The following MACROD2 variants were observed in gnomAD, a reference collection of about 807,000 sequenced individuals.
The protein encoded by MACROD2 is mono-ADP ribosylhydrolase 2.
In MACROD2, 36 loss-of-function variants were observed where a neutral mutation model predicts 70.4. That is an observed-to-expected ratio of 0.51 (90% CI 0.39 to 0.68). The LOEUF (loss-of-function observed/expected upper bound fraction) is 0.68, where lower values mean the gene tolerates loss of function less well. MACROD2 is among the 30% of genes least tolerant of loss of function. The pLI is 0.00. For missense variants in MACROD2, 496 were observed against 538.4 expected (o/e 0.92, Z 0.78); for synonymous variants, 172 against 178.8 (o/e 0.96, Z 0.30).
intron 5 of MACROD2, among the ~76,000 whole-genome samples, chr20:14,810,971 C>T (rs1274339970): frequency 2.0e-5 from 3 of 152,076 alleles, no homozygotes; most frequent in Non-Finnish European, 4.4e-5. Flanking sequence ...ATTTCATGCT[C>T]ATGGATAGGA....
chr20:15,616,272 T>G (rs1345652502), intron 8 of MACROD2, among the ~76,000 whole-genome samples: 5 of 151,960 alleles, frequency 3.3e-5, no homozygotes, highest in African/African-American at 9.7e-5. Context: ...CCCAGCTAAT[T>G]TTTGTATTTT....
At chr20:15,849,151 A>T (rs1413379852) in intron 8 of MACROD2, among the ~76,000 whole-genome samples, 5 of 152,128 alleles carry the variant, frequency 3.3e-5, no homozygotes, top group Non-Finnish European at 5.9e-5. Flanking sequence ...ACACACACTC[A>T]CACACACAGC....
At chr20:15,163,954 T>G (rs1255463598) in intron 5 of MACROD2, among the ~76,000 whole-genome samples, 1 of 151,986 alleles carries the variant, frequency 6.6e-6, no homozygotes, top group African/African-American at 2.4e-5. Flanking sequence ...CAGACAAAAA[T>G]CCTTCTGAGG....
chr20:15,307,297 C>T (rs540757239), intron 6 of MACROD2, among the ~76,000 whole-genome samples: 55 of 152,224 alleles, frequency 3.6e-4, no homozygotes, highest in African/African-American at 1.2e-3. Context: ...GCTATGACCA[C>T]GGTTTCCTCC....
At chr20:14,657,616 A>G (rs1334925383) in intron 4 of MACROD2, among the ~76,000 whole-genome samples, 1 of 152,230 alleles carries the variant, frequency 6.6e-6, no homozygotes, top group African/African-American at 2.4e-5. Flanking sequence ...TCACAAGGGT[A>G]ATAGTATACG....
chr20:15,743,206 T>C (rs11697060), intron 8 of MACROD2, among the ~76,000 whole-genome samples: 20,605 of 152,072 alleles, frequency 0.14, 1,588 homozygotes, highest in Non-Finnish European at 0.17. Flanking sequence ...ATATGAACAT[T>C]TCAGCGGGCA....
Position 14,641,370 on chromosome 20 carries a change from C to T in MACROD2, c.302-43473C>T, listed in dbSNP as rs181017291. On this transcript the variant is annotated intron_variant, in intron 4 of 17. Transcript: ENST00000684519. ...CAAAGTCATCTGTAAGGGCTGAAATCAACTTATTCCAAACTTATGTTCCTG... is the reference window on the plus strand; with the variant it reads ...CAAAGTCATCTGTAAGGGCTGAAATTAACTTATTCCAAACTTATGTTCCTG... Among the ~76,000 whole-genome samples, 86 of 152,258 alleles carry T rather than the reference C, an allele frequency of 5.6e-4. 2 individuals carry two copies. Among genetic ancestry groups the T allele is most frequent in the African/African-American group, 2.0e-3 (83 of 41,548 alleles).
At chr20:14,385,132 A>T (rs2083456764) in intron 3 of MACROD2, among the ~76,000 whole-genome samples, 1 of 152,148 alleles carries the variant, frequency 6.6e-6, no homozygotes, top group Non-Finnish European at 1.5e-5. Context: ...TAACAGCATG[A>T]TATCTCATTT....
At chr20:14,646,513 A>G (rs1005181163) in intron 4 of MACROD2, among the ~76,000 whole-genome samples, 2 of 152,100 alleles carry the variant, frequency 1.3e-5, no homozygotes, top group Admixed American at 6.6e-5. Context: ...ATAATTAGTT[A>G]TATATAAACG....
At chr20:14,994,591 C>T (rs1233254503) in intron 5 of MACROD2, among the ~76,000 whole-genome samples, 2 of 151,222 alleles carry the variant, frequency 1.3e-5, no homozygotes, top group African/African-American at 2.4e-5. Flanking sequence ...CCCATCCCCA[C>T]CAAAAAATAT....
intron 5 of MACROD2, among the ~76,000 whole-genome samples, chr20:15,172,787 C>T (rs576374350): frequency 1.3e-5 from 2 of 152,288 alleles, no homozygotes; most frequent in African/African-American, 4.8e-5. Flanking sequence ...TAATAATTAT[C>T]AGCAATTTAT....
chr20:15,922,114 T>C (rs548493559), intron 10 of MACROD2, among the ~76,000 whole-genome samples: 6 of 152,342 alleles, frequency 3.9e-5, no homozygotes, highest in Middle Eastern at 3.4e-3. Flanking sequence ...AAGAAGCCTC[T>C]GGTGCATGCA....
intron 8 of MACROD2, among the ~76,000 whole-genome samples, chr20:15,654,941 TAC>T (rs1427121390): frequency 6.6e-6 from 1 of 151,970 alleles, no homozygotes; most frequent in Non-Finnish European, 1.5e-5. Context: ...ACAGTGATTC[TAC>T]AGCTGGAGAG....
At chr20:14,335,844 T>C (rs1691355298) in intron 3 of MACROD2, among the ~76,000 whole-genome samples, 1 of 152,172 alleles carries the variant, frequency 6.6e-6, no homozygotes, top group East Asian at 1.9e-4. Context: ...TATTTCAGGG[T>C]AATAAATAGA....
At chr20:15,171,475 T>C (rs890648575) in intron 5 of MACROD2, among the ~76,000 whole-genome samples, 1 of 151,460 alleles carries the variant, frequency 6.6e-6, no homozygotes, top group Non-Finnish European at 1.5e-5. Context: ...TATCACCCCC[T>C]GACCCCATAG....
chr20:15,328,470 G>C (rs1243225737), intron 6 of MACROD2, among the ~76,000 whole-genome samples: 2 of 152,116 alleles, frequency 1.3e-5, no homozygotes, highest in Non-Finnish European at 2.9e-5. Flanking sequence ...AATGAGAATA[G>C]ACATAGAGAG....
chr20:14,752,533 A>G, intron 5 of MACROD2, among the ~76,000 whole-genome samples: 1 of 152,034 alleles, frequency 6.6e-6, no homozygotes. Context: ...GTAGCATTGT[A>G]TTATCTTCTG....
chr20:14,753,331 G>A (rs1434877061), intron 5 of MACROD2, among the ~76,000 whole-genome samples: 1 of 152,132 alleles, frequency 6.6e-6, no homozygotes, highest in East Asian at 1.9e-4. Flanking sequence ...TTTCATGTCA[G>A]CTTTTGATTT....
At chr20:15,920,268 C>G (rs1355566013) in intron 10 of MACROD2, among the ~76,000 whole-genome samples, 1 of 151,948 alleles carries the variant, frequency 6.6e-6, no homozygotes, top group African/African-American at 2.4e-5. Flanking sequence ...AGGCTGGTCC[C>G]GAGGGCCCAC....
Sources: allele counts gnomAD v4.1 joint callset (sites outside exome capture counted in the v4.1 genomes callset), GRCh38; gene constraint gnomAD v4.1.1; transcripts MANE v1.5; gene names NCBI Gene and HGNC (gene_info 2026-07-23, HGNC 2026-07-21).